GPR176: variants seen among roughly 807,000 people sequenced by gnomAD.
GPR176 encodes the protein G-protein coupled receptor 176.
GPR176 carries 26 observed loss-of-function variants against 35.4 expected under a neutral mutation model. The ratio of observed to expected loss-of-function variants is 0.74; its 90% confidence interval spans 0.54 to 1.02. The LOEUF (loss-of-function observed/expected upper bound fraction) is 1.02. Among genes scored for constraint, GPR176 ranks in the 50% least tolerant of loss-of-function variants. The pLI is 0.00. For synonymous variants in GPR176, 278 were observed against 271.3 expected, an observed-to-expected ratio of 1.02 and a Z score of -0.24; for missense variants, 597 against 665.3, an observed-to-expected ratio of 0.90 and a Z score of 1.13.
chr15:39,824,486 G>A (rs1900493205), intron 1 of GPR176, among the ~76,000 whole-genome samples: 1 of 152,166 alleles, frequency 6.6e-6, no homozygotes, highest in African/African-American at 2.4e-5. Context: ...CCTGGCTTCA[G>A]TTCTCATCAT....
intron 1 of GPR176, among the ~76,000 whole-genome samples, chr15:39,853,034 C>A (rs1257287142): frequency 6.6e-6 from 1 of 152,064 alleles, no homozygotes; most frequent in African/African-American, 2.4e-5. Flanking sequence ...AAAAATAGAA[C>A]CATTATATAA....
intron 1 of GPR176, among the ~76,000 whole-genome samples, chr15:39,884,490 A>T (rs975331475): frequency 6.6e-6 from 1 of 152,200 alleles, no homozygotes; most frequent in Admixed American, 6.5e-5. Context: ...CTTAATTGAT[A>T]AAGGTTGTTT....
chr15:39,913,230 T>C (rs1017427570), intron 1 of GPR176, among the ~76,000 whole-genome samples: 1 of 152,146 alleles, frequency 6.6e-6, no homozygotes, highest in Non-Finnish European at 1.5e-5. Context: ...GACAGATCTA[T>C]GGAACAGGTA....
chr15:39,878,472 TTGTG>T (rs3066143), intron 1 of GPR176, among the ~76,000 whole-genome samples: 177 of 148,160 alleles, frequency 1.2e-3, no homozygotes, highest in African/African-American at 2.9e-3. Context: ...CAAATAATAT[TTGTG>T]TGTGTGTGTG....
At chr15:39,829,132 T>C (rs541203937) in intron 1 of GPR176, 4 of 1,484,428 alleles carry the variant, frequency 2.7e-6, no homozygotes, top group East Asian at 2.5e-5. Context: ...ACAGAAGCAG[T>C]TGAACTCCAG....
intron 1 of GPR176, among the ~76,000 whole-genome samples, chr15:39,871,494 G>A (rs2032040047): frequency 6.6e-6 from 1 of 152,168 alleles, no homozygotes; most frequent in Admixed American, 6.5e-5. Context: ...TATTTCTGTA[G>A]AGAGAAATAC....
chr15:39,863,763 G>C (rs2031709727), intron 1 of GPR176, among the ~76,000 whole-genome samples: 1 of 152,088 alleles, frequency 6.6e-6, no homozygotes, highest in Non-Finnish European at 1.5e-5. Flanking sequence ...TTTTATGTTA[G>C]ATACACAAAT....
chr15:39,852,772 A>G (rs1348137784), intron 1 of GPR176, among the ~76,000 whole-genome samples: 23 of 152,250 alleles, frequency 1.5e-4, no homozygotes, highest in Admixed American at 1.3e-3. Flanking sequence ...ATATAAACCC[A>G]TTAGGAACAC....
At chr15:39,903,494 A>C (rs144301365) in intron 1 of GPR176, among the ~76,000 whole-genome samples, 33 of 152,252 alleles carry the variant, frequency 2.2e-4, no homozygotes, top group African/African-American at 7.9e-4. Context: ...CCAGACAAAC[A>C]GGGAGAAGAA....
intron 1 of GPR176, among the ~76,000 whole-genome samples, chr15:39,903,797 A>C (rs2033347788): frequency 6.6e-6 from 1 of 152,180 alleles, no homozygotes; most frequent in Non-Finnish European, 1.5e-5. Flanking sequence ...GTGTTACAGG[A>C]AAGGGGTCCA....
Position 39,884,237 on chromosome 15 carries a change from T to C in GPR176, c.172+35618A>G, listed in dbSNP as rs555741136. ...TGCAAACAGTGCAGGTAATACCCAA[T>C]TGCTGTTAGGCACTGCCTTACGTGG... On this transcript the variant is annotated intron_variant, in intron 1 of 2. Coordinates refer to ENST00000561100, the MANE Select transcript of GPR176 (RefSeq NM_007223.3). 1.4e-4 allele frequency among the ~76,000 whole-genome samples: 21 copies of C among 152,354 alleles called. No individual in the cohort carries two copies. In the South Asian group the frequency reaches 3.7e-3, roughly 27 times the overall value.
chr15:39,860,023 A>C (rs1422482803), intron 1 of GPR176, among the ~76,000 whole-genome samples: 1 of 152,194 alleles, frequency 6.6e-6, no homozygotes, highest in African/African-American at 2.4e-5. Flanking sequence ...TTACTTCTTC[A>C]AATTACAGAA....
rs547676531 is a variant in GPR176, at chr15:39,845,296, GA to G, written c.173-38039del. Reference sequence around the variant, plus strand: ...ATCTCAGTCTCCAGAATCTAAAGCAGAAACACAATTATTGCAAATAAGCAAC... The same window carrying G: ...ATCTCAGTCTCCAGAATCTAAAGCAGAACACAATTATTGCAAATAAGCAAC... On this transcript the variant is annotated intron_variant, in intron 1 of 2. Coordinates refer to ENST00000561100, the MANE Select transcript of GPR176 (RefSeq NM_007223.3). 3.0e-3 allele frequency among the ~76,000 whole-genome samples: 453 copies of G among 152,072 alleles called. 2 individuals are homozygous for G. Among genetic ancestry groups the G allele is most frequent in the African/African-American group, 0.011 (436 of 41,472 alleles).
At chr15:39,853,677 G>A (rs1270926233) in intron 1 of GPR176, among the ~76,000 whole-genome samples, 1 of 152,160 alleles carries the variant, frequency 6.6e-6, no homozygotes, top group African/African-American at 2.4e-5. Flanking sequence ...ATTTGGCAAT[G>A]TAAGGAGACA....
intron 1 of GPR176, among the ~76,000 whole-genome samples, chr15:39,845,685 G>C (rs1288228693): frequency 3.9e-5 from 6 of 152,016 alleles, no homozygotes; most frequent in Non-Finnish European, 8.8e-5. Context: ...TCTGTCTGAG[G>C]AGATATTTGA....
At chr15:39,896,565 T>C (rs1476456354) in intron 1 of GPR176, among the ~76,000 whole-genome samples, 1 of 152,272 alleles carries the variant, frequency 6.6e-6, no homozygotes, top group East Asian at 1.9e-4. Context: ...TAACTTTCAA[T>C]GTTCTCTAAA....
At chr15:39,847,427 G>A (rs1260758360) in intron 1 of GPR176, among the ~76,000 whole-genome samples, 5 of 151,950 alleles carry the variant, frequency 3.3e-5, no homozygotes, top group Non-Finnish European at 7.4e-5. Context: ...TAAAAGGATG[G>A]AAAAAGCTGT....
intron 1 of GPR176, among the ~76,000 whole-genome samples, chr15:39,888,722 G>A (rs2032759429): frequency 6.6e-6 from 1 of 152,138 alleles, no homozygotes; most frequent in Non-Finnish European, 1.5e-5. Flanking sequence ...TCTACCATCA[G>A]AGTAGCCTCA....
intron 1 of GPR176, among the ~76,000 whole-genome samples, chr15:39,881,304 A>G (rs1566961176): frequency 6.6e-6 from 1 of 152,212 alleles, no homozygotes; most frequent in Non-Finnish European, 1.5e-5. Flanking sequence ...AGTGGTTGGC[A>G]TATATTTAGC....
Sources: gnomAD v4.1 joint callset for allele counts (sites outside exome capture counted in the v4.1 genomes callset) on GRCh38, gnomAD v4.1.1 for gene constraint, MANE v1.5 for transcripts, NCBI Gene and HGNC (gene_info 2026-07-23, HGNC 2026-07-21) for gene names.